The following NLRC5 variants were observed in gnomAD, a reference collection of about 807,000 sequenced individuals.
NLRC5 encodes the protein NLR family CARD domain containing 5, also known as protein NLRC5.
NLRC5 carries 114 observed loss-of-function variants against 206.9 expected under a neutral mutation model. The ratio of observed to expected loss-of-function variants is 0.55; its 90% CI spans 0.47 to 0.64. The LOEUF is 0.64. Among genes scored for constraint, NLRC5 ranks in the 30% least tolerant of loss-of-function variants. The pLI, the probability that NLRC5 is intolerant of heterozygous loss-of-function variation, is 0.00. For missense variants in NLRC5, 2,008 were observed against 2,305.5 expected (o/e 0.87, Z 2.64); for synonymous variants, 952 against 962.8 (o/e 0.99, Z 0.21).
chr16:57,009,652 C>G (rs2059293455), intron 1 of NLRC5, among the ~76,000 whole-genome samples: 1 of 152,126 alleles, frequency 6.6e-6, no homozygotes. Flanking sequence ...GTTTGAACAT[C>G]TTGACAAAAT....
At chr16:57,022,167 A>G in intron 3 of NLRC5, 89 bp from the exon 4 acceptor site, 1 of 1,036,182 alleles carries the variant, frequency 9.7e-7, no homozygotes, top group South Asian at 1.5e-5. Context: ...TCCCTGTGAG[A>G]TGAGCCCTGA....
chr16:57,053,677 C>T (rs1450659903), intron 24 of NLRC5, among the ~76,000 whole-genome samples: 1 of 152,132 alleles, frequency 6.6e-6, no homozygotes, highest in Non-Finnish European at 1.5e-5. Flanking sequence ...TACAGGCGTG[C>T]ACCATCATGC....
intron 43 of NLRC5, 68 bp from the exon 44 acceptor site, chr16:57,078,982 A>G: frequency 7.1e-7 from 1 of 1,408,474 alleles, no homozygotes; most frequent in Non-Finnish European, 1.0e-6. Flanking sequence ...AGCCTGAGAC[A>G]AGGCTGAGGG....
intron 4 of NLRC5, among the ~76,000 whole-genome samples, chr16:57,023,229 G>C (rs1014028370): frequency 6.6e-6 from 1 of 151,888 alleles, no homozygotes; most frequent in Non-Finnish European, 1.5e-5. Flanking sequence ...CTTCCTTCTT[G>C]TTTTCCTTCT....
chr16:57,067,452 C>G lies in NLRC5; in HGVS notation c.4388C>G (p.Ala1463Gly). The G allele has an allele frequency of 6.2e-7, 1 of 1,614,200 alleles. No homozygotes were observed. The highest frequency in any genetic ancestry group is 1.3e-5 in the African/African-American group (1 of 75,054). The change falls in exon 35 of 49, where the codon GCC becomes GGC. Residue 1463 changes from alanine (A) to glycine (G), a missense_variant. Transcript: ENST00000688547. ...LLVGQLMETC[A>G]RLQQLSLSQV... ...GTCGGGCAGCTGATGGAGACATGTG[C>G]CAGGCTGCAGCAGCTCAGGTCAGCG...
At chr16:57,036,485 G>A (rs1224471806) in intron 14 of NLRC5, among the ~76,000 whole-genome samples, 1 of 151,968 alleles carries the variant, frequency 6.6e-6, no homozygotes, top group Non-Finnish European at 1.5e-5. Context: ...TTGCACTGGG[G>A]AGGTGTCAGG....
Position 57,043,937 on chromosome 16 carries a change from A to G in NLRC5, c.3203+333A>G. On this transcript the variant is annotated intron_variant, in intron 20 of 48. Transcript: ENST00000688547. ...TATTATACTTTAAGTTCTAGGGTAC[A>G]TGTGCACAACATACAGGTTTGTTAC... The G allele has an allele frequency of 2.4e-5, 8 of 336,124 alleles. No individual in the cohort carries two copies. The South Asian group carries it at 2.4e-4, about 10-fold the overall frequency. 20.8% of individuals were successfully genotyped at this position (336,124 alleles called of 1,614,324 possible).
chr16:57,065,149 A>G, intron 32 of NLRC5, 63 bp from the exon 33 acceptor site: 1 of 1,163,720 alleles, frequency 8.6e-7, no homozygotes. Flanking sequence ...CGGCCCCGTC[A>G]TGTGTGCTGA....
rs1243944946 is a variant in NLRC5, at chr16:57,076,913, C to T, written c.4835+11C>T. The T allele has an allele frequency of 4.3e-6, 7 of 1,612,948 alleles. No homozygotes were observed. The East Asian group carries it at 6.7e-5, about 15-fold the overall frequency. ...CCTAGAGGAGCTGGAGTGAGTTGCC[C>T]ATTCTGCCCCCAGACCCAGGACAAT... On this transcript the variant is annotated intron_variant, in intron 40 of 48. Transcript: ENST00000688547.
At chr16:57,071,211 A>T (rs1391176981) in intron 38 of NLRC5, among the ~76,000 whole-genome samples, 10 of 143,430 alleles carry the variant, frequency 7.0e-5, no homozygotes. Context: ...TTGGTGGTTA[A>T]TGGGGAAGGG....
Position 57,026,663 on chromosome 16 carries a change from C to T in NLRC5, c.1720C>T (p.Arg574Cys), listed in dbSNP as rs370956397. The stretch of plus-strand genomic sequence containing the variant: ...GGCGGGCCTGGCATCCTGCACCTGC[C>T]GCCCCTTCCTTAGCCACCTGGCGCA... Reference protein sequence around the residue: ...FLAGLASCTCRPFLSHLAQGN... With the variant: ...FLAGLASCTCCPFLSHLAQGN... Residue 574 changes from arginine to cysteine, a missense_variant, in exon 6 of 49, where the codon CGC becomes TGC. Coordinates refer to ENST00000688547, the MANE Select transcript of NLRC5 (RefSeq NM_001384950.1). 3.7e-5 allele frequency: 60 copies of T among 1,614,042 alleles called. No individual in the cohort carries two copies. The highest frequency in any genetic ancestry group is 4.7e-5 in the Non-Finnish European group (55 of 1,180,022).
chr16:57,041,616 T>G (rs1280972628), intron 18 of NLRC5, 42 bp downstream of exon 18: 2 of 1,487,686 alleles, frequency 1.3e-6, no homozygotes, highest in African/African-American at 2.8e-5. Flanking sequence ...GTGGGGCCAA[T>G]TACAGTGAGT....
chr16:57,010,400 G>A (rs147724796), intron 1 of NLRC5, among the ~76,000 whole-genome samples: 3 of 151,912 alleles, frequency 2.0e-5, no homozygotes, highest in East Asian at 1.9e-4. Context: ...TTTGACATGC[G>A]GTCTCACTCT....
intron 1 of NLRC5, among the ~76,000 whole-genome samples, chr16:56,997,591 C>T (rs533409587): frequency 3.9e-5 from 6 of 152,128 alleles, no homozygotes; most frequent in East Asian, 1.9e-4. Context: ...TATTTTATTT[C>T]GAGATGGGGG....
intron 32 of NLRC5, chr16:57,062,032 A>G: frequency 7.2e-6 from 10 of 1,385,190 alleles, no homozygotes; most frequent in Non-Finnish European, 9.5e-6. Context: ...GATCATTTTA[A>G]AACACTCAGA....
chr16:57,061,849 A>C (rs781525270), intron 32 of NLRC5, 148 bp downstream of exon 32: 11 of 1,535,024 alleles, frequency 7.2e-6, no homozygotes, highest in Non-Finnish European at 9.6e-6. Context: ...AACCCTGTCC[A>C]TCTGTCCCAG....
intron 24 of NLRC5, among the ~76,000 whole-genome samples, chr16:57,051,951 A>G (rs1369580999): frequency 1.3e-5 from 2 of 152,120 alleles, no homozygotes; most frequent in Non-Finnish European, 2.9e-5. Flanking sequence ...AAGTTATTCT[A>G]AAATCACCTT....
chr16:57,059,305 C>T (rs2066099510), intron 29 of NLRC5, 162 bp from the exon 30 acceptor site: 7 of 1,464,924 alleles, frequency 4.8e-6, no homozygotes, highest in Non-Finnish European at 6.3e-6. Context: ...TTGCCATGCT[C>T]ACAGAATGAG....
At chr16:57,061,020 G>T (rs1219826033) in intron 30 of NLRC5, among the ~76,000 whole-genome samples, 1 of 152,252 alleles carries the variant, frequency 6.6e-6, no homozygotes, top group Admixed American at 6.5e-5. Flanking sequence ...GTGGTTAAGA[G>T]CTTGGGGTCT....
Sources: gnomAD v4.1 joint callset for allele counts (sites outside exome capture counted in the v4.1 genomes callset) on GRCh38, gnomAD v4.1.1 for gene constraint, MANE v1.5 for transcripts, NCBI Gene and HGNC (gene_info 2026-07-23, HGNC 2026-07-21) for gene names.